Variants in XKR9 observed in about 807,000 individuals in gnomAD.
The protein encoded by XKR9 is XK-related protein 9.
A neutral mutation model predicts 32.0 loss-of-function variants in XKR9; 32 were observed. That is an observed-to-expected ratio of 1.00 (90% confidence interval 0.76 to 1.34). The LOEUF (loss-of-function observed/expected upper bound fraction) is 1.34. Ranked by LOEUF, XKR9 falls within the 40% of genes most tolerant of loss-of-function variation. The pLI, the probability that XKR9 is intolerant of heterozygous loss-of-function variation, is 0.00. For missense variants in XKR9, 546 were observed against 429.7 expected (o/e 1.27, Z -2.39); for synonymous variants, 168 against 143.4 (o/e 1.17, Z -1.22).
At chr8:70,921,022 C>A in the XKR9 span, among the ~76,000 whole-genome samples, 1 of 152,188 alleles carries the variant, frequency 6.6e-6, no homozygotes, top group Non-Finnish European at 1.5e-5. Context: ...ACCAGGATTT[C>A]ATTCCATACC....
At chr8:70,822,085 T>G in the XKR9 span, among the ~76,000 whole-genome samples, 3 of 152,310 alleles carry the variant, frequency 2.0e-5, no homozygotes, top group East Asian at 5.8e-4. Context: ...TATCTATATT[T>G]GCAGGAATAT....
downstream of XKR9, among the ~76,000 whole-genome samples, chr8:70,740,313 C>T (rs1159135815): frequency 6.6e-6 from 1 of 152,146 alleles, no homozygotes; most frequent in Admixed American, 6.5e-5. Flanking sequence ...TGGTTTTCAG[C>T]TCCATCAGCT....
At chr8:70,810,451 A>T in the XKR9 span, among the ~76,000 whole-genome samples, 29 of 152,246 alleles carry the variant, frequency 1.9e-4, no homozygotes, top group African/African-American at 6.0e-4. Flanking sequence ...CATTAACTTT[A>T]AATGTAAATG....
At chr8:70,913,843 C>T in the XKR9 span, among the ~76,000 whole-genome samples, 11 of 152,082 alleles carry the variant, frequency 7.2e-5, no homozygotes, top group African/African-American at 2.4e-5. Context: ...TTATAGTATA[C>T]TTTTAAATTG....
chr8:70,728,228 G>A (rs994170714), intron 4 of XKR9, among the ~76,000 whole-genome samples: 15 of 152,176 alleles, frequency 9.9e-5, no homozygotes, highest in African/African-American at 3.4e-4. Flanking sequence ...TTTTGCAATG[G>A]TGGTTTCAAT....
chr8:70,969,489 A>G, the XKR9 span, among the ~76,000 whole-genome samples: 3 of 152,318 alleles, frequency 2.0e-5, no homozygotes. Flanking sequence ...TCAGTGCCCT[A>G]TCTCCTTTGG....
chr8:70,695,132 T>C (rs1191236958), intron 3 of XKR9, among the ~76,000 whole-genome samples: 6 of 115,948 alleles, frequency 5.2e-5, no homozygotes, highest in African/African-American at 1.4e-4. Context: ...GTTTTTCTTT[T>C]TTTTTTTTTT....
chr8:70,701,124 A>T (rs1462234505), intron 3 of XKR9, among the ~76,000 whole-genome samples: 3 of 152,010 alleles, frequency 2.0e-5, no homozygotes, highest in East Asian at 1.9e-4. Context: ...GAACTCCCTG[A>T]CCCCTTGCAC....
chr8:71,042,688 G>A, the XKR9 span, among the ~76,000 whole-genome samples: 1 of 151,770 alleles, frequency 6.6e-6, no homozygotes, highest in Admixed American at 6.6e-5. Flanking sequence ...AAATGTTTAG[G>A]ATGTTTTAAA....
chr8:70,868,501 G>A, the XKR9 span, among the ~76,000 whole-genome samples: 5 of 152,192 alleles, frequency 3.3e-5, no homozygotes, highest in African/African-American at 7.2e-5. Context: ...GCTATGGCCC[G>A]AGCTCTACAT....
At chr8:70,929,029 G>A in the XKR9 span, among the ~76,000 whole-genome samples, 1 of 152,144 alleles carries the variant, frequency 6.6e-6, no homozygotes, top group African/African-American at 2.4e-5. Flanking sequence ...CATCTTGAAG[G>A]CTGAATGTGA....
the XKR9 span, among the ~76,000 whole-genome samples, chr8:70,880,797 A>T: frequency 6.6e-6 from 1 of 152,222 alleles, no homozygotes; most frequent in Non-Finnish European, 1.5e-5. Flanking sequence ...GAACCAAAAA[A>T]GAGCCCGTAT....
At chr8:70,849,472 A>G in the XKR9 span, among the ~76,000 whole-genome samples, 1 of 152,236 alleles carries the variant, frequency 6.6e-6, no homozygotes, top group Admixed American at 6.5e-5. Context: ...CGCAGTGTTT[A>G]GAGTGAAATT....
At chr8:70,726,535 T>C (rs573157794) in intron 4 of XKR9, among the ~76,000 whole-genome samples, 1 of 152,336 alleles carries the variant, frequency 6.6e-6, no homozygotes, top group South Asian at 2.1e-4. Flanking sequence ...ATGAAAATTT[T>C]AAACAAATGG....
At chr8:70,929,670 G>T in the XKR9 span, among the ~76,000 whole-genome samples, 1 of 152,162 alleles carries the variant, frequency 6.6e-6, no homozygotes, top group Non-Finnish European at 1.5e-5. Context: ...TCAGCATCTA[G>T]AGGCTAGTCT....
the XKR9 span, among the ~76,000 whole-genome samples, chr8:70,841,760 A>G: frequency 6.6e-6 from 1 of 152,206 alleles, no homozygotes; most frequent in Non-Finnish European, 1.5e-5. Context: ...TAAATGATGC[A>G]TTCTCCTTGC....
the XKR9 span, among the ~76,000 whole-genome samples, chr8:70,992,959 T>A: frequency 6.6e-6 from 1 of 152,364 alleles, no homozygotes; most frequent in Non-Finnish European, 1.5e-5. Flanking sequence ...TAGACTTGGA[T>A]AACTCAATCT....
the XKR9 span, among the ~76,000 whole-genome samples, chr8:71,027,277 T>A: frequency 2.6e-5 from 4 of 151,248 alleles, 1 homozygote; most frequent in African/African-American, 9.7e-5. Context: ...CATTTTATTT[T>A]CTTATTCCAG....
the XKR9 span, among the ~76,000 whole-genome samples, chr8:71,000,352 T>G: frequency 6.6e-6 from 1 of 152,214 alleles, no homozygotes; most frequent in African/African-American, 2.4e-5. Context: ...TGCAGGGTTA[T>G]GTAGTGAGCC....
Sources: allele counts gnomAD v4.1 joint callset (sites outside exome capture counted in the v4.1 genomes callset), GRCh38; gene constraint gnomAD v4.1.1; transcripts MANE v1.5; gene names NCBI Gene and HGNC (gene_info 2026-07-23, HGNC 2026-07-21).